The following ATG5 variants were observed in gnomAD, a reference collection of about 807,000 sequenced individuals.
ATG5 encodes the protein autophagy related 5, also known as autophagy protein 5.
ATG5 carries 14 observed loss-of-function variants against 36.5 expected under a neutral mutation model. The ratio of observed to expected loss-of-function variants is 0.38; its 90% CI spans 0.25 to 0.60. The LOEUF (loss-of-function observed/expected upper bound fraction) is 0.60. Ranked by LOEUF, ATG5 falls within the 20% of genes least tolerant of loss-of-function variation. ATG5 has a pLI of 0.60. For synonymous variants in ATG5, 95 were observed against 101.5 expected (o/e 0.94, Z 0.38); for missense variants, 195 against 326.7 (o/e 0.60, Z 3.11).
chr6:106,253,304 G>C (rs2114529413), intron 5 of ATG5, among the ~76,000 whole-genome samples: 1 of 152,298 alleles, frequency 6.6e-6, no homozygotes, highest in South Asian at 2.1e-4. Flanking sequence ...GGCCCAGTGG[G>C]CTAGCCTCTG....
At chr6:106,277,938 A>G (rs1037022477) in intron 5 of ATG5, among the ~76,000 whole-genome samples, 9 of 152,216 alleles carry the variant, frequency 5.9e-5, no homozygotes, top group Non-Finnish European at 1.3e-4. Context: ...TTTTATTTTT[A>G]AATTTTATTA....
chr6:106,255,912 C>T (rs984268022), intron 5 of ATG5, among the ~76,000 whole-genome samples: 4 of 152,208 alleles, frequency 2.6e-5, no homozygotes, highest in African/African-American at 9.6e-5. Context: ...TAACCAATAA[C>T]CTCCTGTTCT....
intron 3 of ATG5, among the ~76,000 whole-genome samples, chr6:106,298,570 G>C (rs1327557022): frequency 6.6e-6 from 1 of 150,708 alleles, no homozygotes. Context: ...AATAAATAAA[G>C]TATTAACATA....
chr6:106,238,187 T>A (rs539143869), intron 6 of ATG5, among the ~76,000 whole-genome samples: 4 of 152,222 alleles, frequency 2.6e-5, no homozygotes, highest in Admixed American at 6.5e-5. Flanking sequence ...TTTTATTTTT[T>A]AGAGACGGAG....
At chr6:106,230,929 G>A (rs557892479) in intron 6 of ATG5, among the ~76,000 whole-genome samples, 162 of 152,076 alleles carry the variant, frequency 1.1e-3, no homozygotes, top group African/African-American at 3.8e-3. Flanking sequence ...GAGACAACTC[G>A]CAATTATGTA....
intron 5 of ATG5, chr6:106,271,586 T>C (rs932913513): frequency 2.0e-5 from 3 of 152,214 alleles, no homozygotes; most frequent in Non-Finnish European, 2.9e-5. Context: ...CCAATTCTAA[T>C]TGGTCAATAT....
intron 7 of ATG5, among the ~76,000 whole-genome samples, chr6:106,194,691 C>G (rs1034721334): frequency 3.3e-5 from 5 of 152,120 alleles, no homozygotes; most frequent in Admixed American, 2.6e-4. Flanking sequence ...GCATGCACCA[C>G]CACGCCTAGC....
intron 3 of ATG5, among the ~76,000 whole-genome samples, chr6:106,306,139 C>CA (rs1453363323): frequency 6.6e-6 from 1 of 152,152 alleles, no homozygotes; most frequent in Non-Finnish European, 1.5e-5. Context: ...AAAAGAACTC[C>CA]ACTCTTTAAT....
At chr6:106,232,662 C>T (rs572410012) in intron 6 of ATG5, among the ~76,000 whole-genome samples, 210 of 152,150 alleles carry the variant, frequency 1.4e-3, no homozygotes, top group Non-Finnish European at 2.0e-3. Context: ...CTAGTAAAAG[C>T]ATGCAATAGC....
chr6:106,257,062 T>C (rs942047841), intron 5 of ATG5, among the ~76,000 whole-genome samples: 3 of 152,212 alleles, frequency 2.0e-5, no homozygotes, highest in Non-Finnish European at 2.9e-5. Context: ...AGACTTTTTG[T>C]TAAAAACTAA....
chr6:106,185,414 C>T lies in ATG5; in HGVS notation c.*1126G>A, dbSNP rs1024575896. On this transcript the variant is annotated 3_prime_UTR_variant, in exon 8 of 8. Transcript: ENST00000369076. ...CACAAATATGTTTGACTGGTAAAAT[C>T]CCAGAGGCTTGGTAATAAAGTGCAG... 3.3e-5 allele frequency: 5 copies of T among 152,610 alleles called. No individual in the cohort carries two copies. The highest frequency in any genetic ancestry group is 1.2e-4 in the African/African-American group (5 of 41,416). The allele number at this position is 152,610 out of a possible 1,614,324, so 9.5% of individuals were successfully genotyped here. A position where few individuals can be genotyped will look rare whatever the true frequency, so the allele number is the denominator to read the frequency against.
chr6:106,222,495 C>T (rs1480705073), intron 6 of ATG5, among the ~76,000 whole-genome samples: 1 of 152,108 alleles, frequency 6.6e-6, no homozygotes, highest in Non-Finnish European at 1.5e-5. Flanking sequence ...TATGTTTTTA[C>T]TTTCTGTGCA....
intron 2 of ATG5, among the ~76,000 whole-genome samples, chr6:106,309,157 C>T (rs3804335): frequency 0.054 from 8,251 of 152,234 alleles, 320 homozygotes; most frequent in South Asian, 0.13. Flanking sequence ...ACACTCTAGC[C>T]ATTTCTTGCT....
intron 5 of ATG5, among the ~76,000 whole-genome samples, chr6:106,252,843 C>T: frequency 6.6e-6 from 1 of 152,176 alleles, no homozygotes; most frequent in East Asian, 1.9e-4. Flanking sequence ...AGCAGAGTTA[C>T]AGCATTTCAA....
chr6:106,194,682 C>G (rs1053474758), intron 7 of ATG5, among the ~76,000 whole-genome samples: 2 of 152,092 alleles, frequency 1.3e-5, no homozygotes, highest in Admixed American at 6.5e-5. Context: ...GGATTACAGG[C>G]ATGCACCACC....
rs1388742652 is a variant in ATG5, at chr6:106,308,539, T to C, written c.109-48A>G. ...CGTATTTATTTACTAGTTATTATTT[T>C]TAAAAAATACTAAGTAGGTTTTTGA... On this transcript the variant is annotated intron_variant, in intron 2 of 7. Transcript: ENST00000369076. The C allele has an allele frequency of 4.4e-6, 6 of 1,373,930 alleles. No individual in the cohort carries two copies. In the Admixed American group the frequency reaches 1.8e-4, roughly 41 times the overall value. 85.1% of individuals were successfully genotyped at this position (1,373,930 alleles called of 1,614,324 possible).
rs1271962502 is a variant in ATG5 at position 106,185,865 on chromosome 6, G to A, written c.*675C>T. ...AAAATGGTAACACAGAGTAAAAAGT[G>A]ATCTACTGTATGTGAGTCAGAAAGT... On this transcript the variant is annotated 3_prime_UTR_variant, in exon 8 of 8. Coordinates refer to ENST00000369076, the MANE Select transcript of ATG5 (RefSeq NM_004849.4). 6.6e-6 allele frequency: 1 copy of A among 152,210 alleles called. No individual in the cohort carries two copies. The highest frequency in any genetic ancestry group is 2.4e-5 in the African/African-American group (1 of 41,008). 9.4% of individuals were successfully genotyped at this position (152,210 alleles called of 1,614,324 possible). A position where few individuals can be genotyped will look rare whatever the true frequency, so the allele number is the denominator to read the frequency against.
chr6:106,234,199 C>G (rs1361922473), intron 6 of ATG5, among the ~76,000 whole-genome samples: 1 of 152,108 alleles, frequency 6.6e-6, no homozygotes, highest in East Asian at 1.9e-4. Flanking sequence ...GCACCCCTAG[C>G]CCCTACAAAG....
intron 3 of ATG5, among the ~76,000 whole-genome samples, chr6:106,297,556 C>G (rs1470555396): frequency 6.6e-6 from 1 of 152,026 alleles, no homozygotes; most frequent in African/African-American, 2.4e-5. Context: ...CAATTAGTTG[C>G]ATTCAGGGGA....
Sources: gnomAD v4.1 joint callset for allele counts (sites outside exome capture counted in the v4.1 genomes callset) on GRCh38, gnomAD v4.1.1 for gene constraint, MANE v1.5 for transcripts, NCBI Gene and HGNC (gene_info 2026-07-23, HGNC 2026-07-21) for gene names.